Variants in CAMSAP2 observed in about 807,000 individuals in gnomAD.
CAMSAP2 encodes the protein calmodulin-regulated spectrin-associated protein 2.
In CAMSAP2, 26 loss-of-function variants were observed where a neutral mutation model predicts 146.1. The observed-to-expected ratio is 0.18, with a 90% CI of 0.13 to 0.25. The LOEUF is 0.25. Among genes scored for constraint, CAMSAP2 ranks in the 10% least tolerant of loss-of-function variants. The pLI is 1.00. For missense variants in CAMSAP2, 1,381 were observed against 1,759.3 expected, an observed-to-expected ratio of 0.78 and a Z score of 3.85; for synonymous variants, 499 against 596.6, an observed-to-expected ratio of 0.84 and a Z score of 2.38.
intron 3 of CAMSAP2, among the ~76,000 whole-genome samples, chr1:200,810,674 A>G (rs866177843): frequency 1.3e-5 from 2 of 151,882 alleles, no homozygotes; most frequent in Admixed American, 6.6e-5. Context: ...GGATCATTTC[A>G]GGTCAGGAGT....
intron 11 of CAMSAP2, 49 bp downstream of exon 11, chr1:200,850,283 G>C (rs762977861): frequency 3.4e-6 from 5 of 1,468,380 alleles, no homozygotes; most frequent in Non-Finnish European, 4.5e-6. Context: ...AGATGAGTGT[G>C]GTTGTGTTGG....
At chr1:200,838,502 C>G (rs911781389) in intron 6 of CAMSAP2, among the ~76,000 whole-genome samples, 30 of 152,066 alleles carry the variant, frequency 2.0e-4, no homozygotes, top group African/African-American at 7.2e-4. Context: ...TTTGTACATT[C>G]ATTTAATAAA....
intron 2 of CAMSAP2, among the ~76,000 whole-genome samples, chr1:200,790,484 C>T (rs1046330243): frequency 1.3e-5 from 2 of 152,216 alleles, no homozygotes; most frequent in African/African-American, 2.4e-5. Context: ...GACTTGTTTA[C>T]TCTGAACCTG....
At chr1:200,823,386 C>T (rs58257532) in intron 4 of CAMSAP2, among the ~76,000 whole-genome samples, 153 of 152,304 alleles carry the variant, frequency 1.0e-3, no homozygotes, top group African/African-American at 3.4e-3. Context: ...TAACATCTTA[C>T]GTAATTGGAG....
At chr1:200,801,475 G>A (rs979957661) in intron 2 of CAMSAP2, among the ~76,000 whole-genome samples, 1 of 152,030 alleles carries the variant, frequency 6.6e-6, no homozygotes, top group Non-Finnish European at 1.5e-5. Flanking sequence ...TTGAATATTG[G>A]CCTGTCTTCC....
At chr1:200,814,949 A>G (rs1666442187) in intron 3 of CAMSAP2, among the ~76,000 whole-genome samples, 1 of 152,056 alleles carries the variant, frequency 6.6e-6, no homozygotes, top group Non-Finnish European at 1.5e-5. Flanking sequence ...GAAATAATTT[A>G]TGCACCATGT....
intron 3 of CAMSAP2, among the ~76,000 whole-genome samples, chr1:200,807,829 C>T (rs368653285): frequency 6.6e-5 from 10 of 151,306 alleles, no homozygotes; most frequent in East Asian, 5.9e-4. Flanking sequence ...CAACCTCCGC[C>T]CTTCAGGTTC....
intron 1 of CAMSAP2, among the ~76,000 whole-genome samples, chr1:200,744,425 C>T (rs1213560265): frequency 6.6e-6 from 1 of 152,114 alleles, no homozygotes; most frequent in Non-Finnish European, 1.5e-5. Context: ...ATGCCATTGA[C>T]AGAGAAGAAA....
intron 1 of CAMSAP2, among the ~76,000 whole-genome samples, chr1:200,752,897 G>A (rs1022772784): frequency 4.6e-5 from 7 of 152,100 alleles, no homozygotes; most frequent in East Asian, 1.9e-4. Flanking sequence ...GATTACAGGC[G>A]TGAGCCACCG....
rs1667520255 is a variant in CAMSAP2 at position 200,848,467 on chromosome 1, T to C, written c.1698T>C (p.Asn566=). 1 of 1,613,330 alleles carries C rather than the reference T, an allele frequency of 6.2e-7. No individual in the cohort carries two copies. Among genetic ancestry groups the C allele is most frequent in the African/African-American group, 1.3e-5 (1 of 74,890 alleles). Residue 566 remains asparagine, a synonymous_variant, in exon 11 of 17, where the codon AAT becomes AAC. Transcript: ENST00000358823. ...PHTPQPDQIA[N]GFFLHSQEMS... ...CACCTCAGCCAGACCAAATTGCTAATGGCTTCTTTCTTCATAGTCAAGAAA... is the reference window on the plus strand; with the variant it reads ...CACCTCAGCCAGACCAAATTGCTAACGGCTTCTTTCTTCATAGTCAAGAAA...
chr1:200,852,770 T>C, intron 12 of CAMSAP2, 93 bp downstream of exon 12: 5 of 1,297,822 alleles, frequency 3.9e-6, no homozygotes, highest in Non-Finnish European at 5.2e-6. Flanking sequence ...AGAGGTGGTC[T>C]CTCATTAATT....
intron 13 of CAMSAP2, 34 bp from the exon 14 acceptor site, chr1:200,854,783 T>C (rs774078989): frequency 5.8e-6 from 9 of 1,561,392 alleles, no homozygotes; most frequent in South Asian, 4.7e-5. Flanking sequence ...ATTTTGTTTT[T>C]ATTCAGGATC....
rs372941603 is a variant in CAMSAP2 at position 200,845,915 on chromosome 1, AC to A, written c.1109+1049del. ...AATACCTAGATAATCCTGACTTCTC[AC>A]CCAGGTATATGATAGGGACATTAGT... On this transcript the variant is annotated intron_variant, in intron 8 of 16. Coordinates refer to ENST00000358823, the MANE Select transcript of CAMSAP2 (RefSeq NM_203459.4). 3.2e-3 allele frequency among the ~76,000 whole-genome samples: 490 copies of A among 152,278 alleles called. 3 individuals are homozygous for A. The highest frequency in any genetic ancestry group is 0.011 in the African/African-American group (474 of 41,560).
chr1:200,814,127 GTGGC>G (rs1558188989), intron 3 of CAMSAP2, among the ~76,000 whole-genome samples: 4 of 128,494 alleles, frequency 3.1e-5, no homozygotes, highest in African/African-American at 2.9e-5. Context: ...AAAAAAAAAG[GTGGC>G]GGGGGGAGGG....
chr1:200,802,904 G>A (rs1235538986), intron 2 of CAMSAP2, among the ~76,000 whole-genome samples: 1 of 152,162 alleles, frequency 6.6e-6, no homozygotes, highest in African/African-American at 2.4e-5. Context: ...CACAGATATA[G>A]AACCTAATGG....
intron 4 of CAMSAP2, among the ~76,000 whole-genome samples, chr1:200,822,220 C>CA (rs1355793445): frequency 2.0e-5 from 3 of 151,786 alleles, no homozygotes; most frequent in Non-Finnish European, 4.4e-5. Context: ...ATATATCATG[C>CA]CCCTTTACCC....
intron 1 of CAMSAP2, among the ~76,000 whole-genome samples, chr1:200,746,246 G>A (rs1025741469): frequency 2.0e-5 from 3 of 152,222 alleles, no homozygotes; most frequent in Non-Finnish European, 4.4e-5. Context: ...GGAAACCACA[G>A]GGAAGTTATT....
intron 2 of CAMSAP2, among the ~76,000 whole-genome samples, chr1:200,793,793 GT>G (rs1665815378): frequency 6.6e-6 from 1 of 151,744 alleles, no homozygotes; most frequent in African/African-American, 2.4e-5. Flanking sequence ...ACTCACAAAC[GT>G]TGTTTAATTA....
intron 4 of CAMSAP2, among the ~76,000 whole-genome samples, chr1:200,817,239 C>CACACACACGTGTGTGTGT (rs1666617631): frequency 7.2e-6 from 1 of 138,712 alleles, no homozygotes; most frequent in African/African-American, 2.6e-5. Context: ...TATATACACA[C>CACACACACGTGTGTGTGT]ATACACACAT....
Sources: gnomAD v4.1 joint callset for allele counts (sites outside exome capture counted in the v4.1 genomes callset) on GRCh38, gnomAD v4.1.1 for gene constraint, MANE v1.5 for transcripts, NCBI Gene and HGNC (gene_info 2026-07-23, HGNC 2026-07-21) for gene names.